The following CORO2B variants were observed in gnomAD, a reference collection of about 807,000 sequenced individuals.
The protein encoded by CORO2B is coronin 2B.
A neutral mutation model predicts 58.8 loss-of-function variants in CORO2B; 26 were observed. That is an observed-to-expected ratio of 0.44 (90% CI 0.32 to 0.61). CORO2B has a LOEUF of 0.61. CORO2B is among the 20% of genes least tolerant of loss of function. The probability of loss-of-function intolerance (pLI) is 0.04; values close to 1 mark genes in which losing one functional copy is unlikely to be tolerated. For synonymous variants in CORO2B, 242 were observed against 253.8 expected, an observed-to-expected ratio of 0.95 and a Z score of 0.44; for missense variants, 460 against 645.1, an observed-to-expected ratio of 0.71 and a Z score of 3.11.
At chr15:68,549,953 A>AAAATAAAATAAATAAAT in the CORO2B span, among the ~76,000 whole-genome samples, 107 of 144,568 alleles carry the variant, frequency 7.4e-4, 2 homozygotes, top group East Asian at 1.8e-3. Flanking sequence ...AAAATAAAAT[A>AAAATAAAATAAATAAAT]AAATAAATAA....
At chr15:68,569,384 G>C in the CORO2B span, among the ~76,000 whole-genome samples, 2 of 152,156 alleles carry the variant, frequency 1.3e-5, no homozygotes, top group East Asian at 3.8e-4. Flanking sequence ...TTGGAATCAT[G>C]CAGTCTGTAG....
chr15:68,531,090 A>G, the CORO2B span, among the ~76,000 whole-genome samples: 1 of 152,184 alleles, frequency 6.6e-6, no homozygotes, highest in Admixed American at 6.5e-5. Context: ...ATACTTTTAC[A>G]TACAATCCAT....
At chr15:68,668,455 T>A (rs147489055) in intron 2 of CORO2B, among the ~76,000 whole-genome samples, 389 of 152,324 alleles carry the variant, frequency 2.6e-3, no homozygotes, top group Non-Finnish European at 4.4e-3. Flanking sequence ...TCCAACACAG[T>A]GATGCCGTAG....
the CORO2B span, among the ~76,000 whole-genome samples, chr15:68,542,249 G>A: frequency 6.6e-6 from 1 of 152,192 alleles, no homozygotes; most frequent in African/African-American, 2.4e-5. Flanking sequence ...ATCAATTTCT[G>A]AACTCATCTC....
chr15:68,663,544 A>T (rs79517835), intron 2 of CORO2B, among the ~76,000 whole-genome samples: 1 of 152,222 alleles, frequency 6.6e-6, no homozygotes, highest in African/African-American at 2.4e-5. Flanking sequence ...TTAACAGGAC[A>T]CAGAAAGCAA....
chr15:68,620,904 T>TG (rs1314639611), intron 1 of CORO2B, among the ~76,000 whole-genome samples: 1 of 152,152 alleles, frequency 6.6e-6, no homozygotes, highest in Non-Finnish European at 1.5e-5. Flanking sequence ...GAAAGTCTGC[T>TG]GGGGTAAATG....
At chr15:68,649,343 TTC>T (rs1208805231) in intron 2 of CORO2B, among the ~76,000 whole-genome samples, 16 of 152,364 alleles carry the variant, frequency 1.1e-4, no homozygotes, top group Admixed American at 5.9e-4. Context: ...TTCTGTTGTT[TTC>T]TCTCATTTCA....
At chr15:68,521,473 C>T in the CORO2B span, among the ~76,000 whole-genome samples, 1 of 152,140 alleles carries the variant, frequency 6.6e-6, no homozygotes, top group Non-Finnish European at 1.5e-5. Flanking sequence ...CTTGTAAAGT[C>T]AATGTTTATT....
At chr15:68,573,763 G>C in the CORO2B span, among the ~76,000 whole-genome samples, 1 of 152,184 alleles carries the variant, frequency 6.6e-6, no homozygotes, top group Admixed American at 6.5e-5. Context: ...CTCAAGCCGG[G>C]GATGCTTCAT....
chr15:68,675,998 A>C (rs1242462880), intron 2 of CORO2B, among the ~76,000 whole-genome samples: 1 of 152,190 alleles, frequency 6.6e-6, no homozygotes, highest in Non-Finnish European at 1.5e-5. Flanking sequence ...GAATAGAATA[A>C]TGCTAGGAGG....
chr15:68,689,703 A>G (rs1281043674), intron 2 of CORO2B, among the ~76,000 whole-genome samples: 1 of 152,232 alleles, frequency 6.6e-6, no homozygotes, highest in Non-Finnish European at 1.5e-5. Flanking sequence ...ACAGAGGCAT[A>G]TGTGGGACTT....
chr15:68,573,188 C>A, the CORO2B span, among the ~76,000 whole-genome samples: 33 of 152,116 alleles, frequency 2.2e-4, no homozygotes, highest in Admixed American at 1.8e-3. Flanking sequence ...CAGGGCAGGG[C>A]CCCCCAACCC....
the CORO2B span, among the ~76,000 whole-genome samples, chr15:68,522,990 T>C: frequency 0.08 from 12,125 of 152,178 alleles, 916 homozygotes; most frequent in African/African-American, 0.19. Flanking sequence ...TTCTCTGGCA[T>C]GCAGTTAGAG....
intron 2 of CORO2B, among the ~76,000 whole-genome samples, chr15:68,663,348 A>G (rs2140288635): frequency 6.6e-6 from 1 of 152,354 alleles, no homozygotes; most frequent in East Asian, 1.9e-4. Flanking sequence ...TATCATAGAC[A>G]GTGCTGCAGA....
chr15:68,601,992 A>G (rs1282963424), intron 1 of CORO2B, among the ~76,000 whole-genome samples: 1 of 150,980 alleles, frequency 6.6e-6, no homozygotes, highest in Non-Finnish European at 1.5e-5. Flanking sequence ...GCAGAAGGCC[A>G]AACACGATGG....
chr15:68,547,845 A>G, the CORO2B span, among the ~76,000 whole-genome samples: 4 of 152,142 alleles, frequency 2.6e-5, no homozygotes, highest in African/African-American at 7.2e-5. Flanking sequence ...CTTATGGACT[A>G]TTTCATTCAG....
At chr15:68,541,164 G>A in the CORO2B span, among the ~76,000 whole-genome samples, 1 of 152,058 alleles carries the variant, frequency 6.6e-6, no homozygotes, top group Non-Finnish European at 1.5e-5. Flanking sequence ...GAGCCTGAAA[G>A]GTGGAGGCTG....
chr15:68,678,401 C>T lies in CORO2B; in HGVS notation c.217-16739C>T, dbSNP rs551565963. On this transcript the variant is annotated intron_variant, in intron 2 of 11. Coordinates refer to ENST00000261861, the MANE Select transcript of CORO2B (RefSeq NM_006091.5). Reference sequence around the variant, plus strand: ...GCAATAACAGAGAAAAGACAGCAGGCGGTGGTTCACACCTGTAATCCCAAC... The same window carrying T: ...GCAATAACAGAGAAAAGACAGCAGGTGGTGGTTCACACCTGTAATCCCAAC... Among the ~76,000 whole-genome samples the T allele has an allele frequency of 1.1e-4, 17 of 152,274 alleles. No homozygotes were observed. The South Asian group carries it at 1.9e-3, about 17-fold the overall frequency.
intron 1 of CORO2B, among the ~76,000 whole-genome samples, chr15:68,620,153 C>T (rs1900477452): frequency 6.6e-6 from 1 of 152,146 alleles, no homozygotes. Context: ...CTCAGATGAT[C>T]CACCCGCCTT....
Sources: gnomAD v4.1 joint callset for allele counts (sites outside exome capture counted in the v4.1 genomes callset) on GRCh38, gnomAD v4.1.1 for gene constraint, MANE v1.5 for transcripts, NCBI Gene and HGNC (gene_info 2026-07-23, HGNC 2026-07-21) for gene names.